PTPRG: variants seen among roughly 807,000 people sequenced by gnomAD.
PTPRG encodes the protein receptor-type tyrosine-protein phosphatase gamma.
In PTPRG, 102 loss-of-function variants were observed where a neutral mutation model predicts 165.3. The observed-to-expected ratio is 0.62, with a 90% CI of 0.53 to 0.73. The LOEUF (loss-of-function observed/expected upper bound fraction) is 0.73. Among genes scored for constraint, PTPRG ranks in the 30% least tolerant of loss-of-function variants. The probability of loss-of-function intolerance (pLI) is 0.00; values close to 1 mark genes in which losing one functional copy is unlikely to be tolerated. For synonymous variants in PTPRG, 675 were observed against 669.5 expected (o/e 1.01, Z -0.13); for missense variants, 1,866 against 1,861.4 (o/e 1.00, Z -0.05).
intron 1 of PTPRG, chr3:61,742,533 T>C: frequency 6.3e-7 from 1 of 1,596,356 alleles, no homozygotes; most frequent in East Asian, 2.2e-5. Context: ...TCTTGAGCAA[T>C]GACACCAAGA....
At chr3:61,944,437 C>T (rs953675627) in intron 2 of PTPRG, among the ~76,000 whole-genome samples, 3 of 152,160 alleles carry the variant, frequency 2.0e-5, no homozygotes, top group Non-Finnish European at 4.4e-5. Context: ...TTCCTCATTT[C>T]CCCTAGCCCC....
chr3:62,112,601 T>A (rs1702711644), intron 5 of PTPRG, among the ~76,000 whole-genome samples: 1 of 152,236 alleles, frequency 6.6e-6, no homozygotes, highest in African/African-American at 2.4e-5. Context: ...CTGTTACTAT[T>A]ATTTGAGGAA....
chr3:62,052,794 AAAAAGAC>A (rs1700506449), intron 4 of PTPRG, among the ~76,000 whole-genome samples: 1 of 152,242 alleles, frequency 6.6e-6, no homozygotes, highest in African/African-American at 2.4e-5. Context: ...ACTTGACTTT[AAAAAGAC>A]AAAAGAGAAG....
In PTPRG at chr3:62,076,050, C is replaced by T. The variant is rs142295999; in HGVS notation, c.520-2113C>T. Among the ~76,000 whole-genome samples the T allele has an allele frequency of 9.7e-3, 1,471 of 152,102 alleles. 20 individuals are homozygous for T. Among genetic ancestry groups the T allele is most frequent in the African/African-American group, 0.033 (1,376 of 41,476 alleles). ...CAACACGTTGGGAGGCCAGGGTGGG[C>T]GGATTGCTTGAGCTCAGTTACTCTA... is the stretch of plus-strand genomic sequence containing the variant. On this transcript the variant is annotated intron_variant, in intron 4 of 29. Coordinates refer to ENST00000474889, the MANE Select transcript of PTPRG (RefSeq NM_002841.4).
chr3:61,563,250 C>T (rs1285050361), intron 1 of PTPRG, among the ~76,000 whole-genome samples: 2 of 152,160 alleles, frequency 1.3e-5, no homozygotes, highest in African/African-American at 2.4e-5. Flanking sequence ...TGCCCTTTTG[C>T]AGGCTGTTCG....
intron 2 of PTPRG, chr3:61,925,757 A>T: frequency 2.7e-6 from 1 of 373,104 alleles, no homozygotes; most frequent in South Asian, 2.1e-5. Flanking sequence ...AAAAAAAAAA[A>T]TCATCATTGG....
chr3:61,813,666 C>A (rs1360678179), intron 2 of PTPRG, among the ~76,000 whole-genome samples: 1 of 148,608 alleles, frequency 6.7e-6, no homozygotes, highest in Non-Finnish European at 1.5e-5. Flanking sequence ...TAGTTGTAGT[C>A]ATAATAACTT....
intron 14 of PTPRG, among the ~76,000 whole-genome samples, chr3:62,232,580 A>T (rs1256651360): frequency 6.6e-6 from 1 of 152,216 alleles, no homozygotes; most frequent in Non-Finnish European, 1.5e-5. Context: ...CACCTTATGA[A>T]TATCACAAAG....
chr3:62,178,897 T>TTA (rs1406024034), intron 8 of PTPRG, among the ~76,000 whole-genome samples: 2 of 152,174 alleles, frequency 1.3e-5, no homozygotes, highest in Admixed American at 6.5e-5. Context: ...ATCTGGAAAT[T>TTA]AATAAAGGCC....
rs548901316 is a variant in PTPRG, at chr3:62,233,748, C to T, written c.2375+2437C>T. On this transcript the variant is annotated intron_variant, in intron 14 of 29. Coordinates refer to ENST00000474889, the MANE Select transcript of PTPRG (RefSeq NM_002841.4). The surrounding 1 kb of genome is among the most constrained non-coding windows in gnomAD (Gnocchi z 4.7). ...GGAAGGAGACTGTGCCGCTAAGACGCGTTGCACAGAGAATTGCTAAAAGCA... is the reference window on the plus strand; with the variant it reads ...GGAAGGAGACTGTGCCGCTAAGACGTGTTGCACAGAGAATTGCTAAAAGCA... 2.0e-5 allele frequency among the ~76,000 whole-genome samples: 3 copies of T among 152,246 alleles called. No homozygotes were observed. The highest frequency in any genetic ancestry group is 2.1e-4 in the South Asian group (1 of 4,828).
intron 11 of PTPRG, among the ~76,000 whole-genome samples, chr3:62,202,278 G>GT (rs1272366907): frequency 1.3e-5 from 2 of 152,160 alleles, no homozygotes; most frequent in Non-Finnish European, 2.9e-5. Flanking sequence ...TAGTATGGTG[G>GT]TAAGAACAAG....
rs912210671 is a variant in PTPRG, at chr3:61,562,221, C to A, written c.-67C>A. ...CGCCCCGGCTTAGCGGAGGCTCGCACGGAGGCAAGAACTTATTCAACAAGT... is the reference window on the plus strand; with the variant it reads ...CGCCCCGGCTTAGCGGAGGCTCGCAAGGAGGCAAGAACTTATTCAACAAGT... On this transcript the variant is annotated 5_prime_UTR_variant, in exon 1 of 30. Coordinates refer to ENST00000474889, the MANE Select transcript of PTPRG (RefSeq NM_002841.4). 3 of 1,454,076 alleles carry A rather than the reference C, an allele frequency of 2.1e-6. No individual in the cohort carries two copies. The South Asian group carries it at 3.4e-5, about 17-fold the overall frequency. 90.1% of individuals were successfully genotyped at this position (1,454,076 alleles called of 1,614,324 possible). A position where few individuals can be genotyped will look rare whatever the true frequency, so the allele number is the denominator to read the frequency against.
intron 6 of PTPRG, among the ~76,000 whole-genome samples, chr3:62,152,763 T>C (rs1025885376): frequency 2.0e-5 from 3 of 152,190 alleles, no homozygotes; most frequent in African/African-American, 7.2e-5. Context: ...CCTGAACATA[T>C]AGCATAATTC....
intron 4 of PTPRG, among the ~76,000 whole-genome samples, chr3:62,047,914 T>C (rs1403540864): frequency 2.0e-5 from 3 of 152,190 alleles, no homozygotes; most frequent in African/African-American, 4.8e-5. Flanking sequence ...AGCACAGTTA[T>C]TTAGCTCCAG....
chr3:61,770,258 T>A (rs751521675), intron 2 of PTPRG: 1 of 152,138 alleles, frequency 6.6e-6, no homozygotes, highest in Non-Finnish European at 1.5e-5. Context: ...TGCAATTCAT[T>A]GTTTAATGTG....
chr3:61,709,742 C>T (rs17065208), intron 1 of PTPRG, among the ~76,000 whole-genome samples: 1,763 of 152,274 alleles, frequency 0.012, 32 homozygotes, highest in African/African-American at 0.039. Flanking sequence ...ACTATTACTC[C>T]TTCATTTCCC....
intron 4 of PTPRG, among the ~76,000 whole-genome samples, chr3:62,036,740 C>CA (rs1270338600): frequency 2.0e-5 from 3 of 151,862 alleles, no homozygotes; most frequent in Non-Finnish European, 2.9e-5. Flanking sequence ...AAATAAACAG[C>CA]AAAAAAAGCC....
intron 17 of PTPRG, among the ~76,000 whole-genome samples, chr3:62,265,816 T>A (rs1463072237): frequency 6.7e-6 from 1 of 150,044 alleles, no homozygotes; most frequent in Non-Finnish European, 1.5e-5. Context: ...AGGATATGTA[T>A]ACATCTGTGC....
chr3:61,705,041 T>G (rs190206997), intron 1 of PTPRG, among the ~76,000 whole-genome samples: 4 of 152,174 alleles, frequency 2.6e-5, no homozygotes, highest in African/African-American at 9.6e-5. Flanking sequence ...CTGCTAGAGG[T>G]GTGAACACAG....
Sources: gnomAD v4.1 joint callset for allele counts (sites outside exome capture counted in the v4.1 genomes callset) on GRCh38, gnomAD v4.1.1 for gene constraint, Gnocchi (gnomAD v3.1) non-coding constraint, MANE v1.5 for transcripts, NCBI Gene and HGNC (gene_info 2026-07-23, HGNC 2026-07-21) for gene names.